The following B3GALT1 variants were observed in gnomAD, a reference collection of about 807,000 sequenced individuals.
The protein encoded by B3GALT1 is beta-1,3-galactosyltransferase 1, also known as UDP-Gal:betaGlcNAc beta 1,3-galactosyltransferase, polypeptide 1.
Under a neutral mutation model 23.2 loss-of-function variants are expected in B3GALT1, and 10 were observed. The observed-to-expected ratio is 0.43, with a 90% CI of 0.27 to 0.73. The LOEUF (loss-of-function observed/expected upper bound fraction) is 0.73. Ranked by LOEUF, B3GALT1 falls within the 30% of genes least tolerant of loss-of-function variation. The pLI is 0.21. For synonymous variants in B3GALT1, 156 were observed against 141.5 expected (o/e 1.10, Z -0.73); for missense variants, 299 against 405.4 (o/e 0.74, Z 2.25).
intron 4 of B3GALT1, among the ~76,000 whole-genome samples, chr2:167,842,745 A>G (rs577172317): frequency 9.9e-5 from 15 of 152,118 alleles, no homozygotes; most frequent in African/African-American, 3.6e-4. Flanking sequence ...GTGGTGGCAC[A>G]CACCTGTAGT....
intron 2 of B3GALT1, among the ~76,000 whole-genome samples, chr2:167,545,872 G>T (rs1683628058): frequency 6.6e-6 from 1 of 152,158 alleles, no homozygotes; most frequent in Admixed American, 6.5e-5. Flanking sequence ...AATTTTTAAG[G>T]TTTGGGAATA....
intron 3 of B3GALT1, among the ~76,000 whole-genome samples, chr2:167,707,973 A>AT (rs1558955305): frequency 1.3e-5 from 2 of 152,178 alleles, no homozygotes; most frequent in East Asian, 3.9e-4. Context: ...GTGGGTTTCA[A>AT]TGTTCTTTCC....
At chr2:167,850,912 C>T (rs2105415864) in intron 4 of B3GALT1, among the ~76,000 whole-genome samples, 1 of 152,068 alleles carries the variant, frequency 6.6e-6, no homozygotes, top group Admixed American at 6.6e-5. Flanking sequence ...CAAATCACCA[C>T]TAAAGAACTT....
At chr2:167,761,646 G>A (rs775142863) in intron 3 of B3GALT1, among the ~76,000 whole-genome samples, 5 of 152,108 alleles carry the variant, frequency 3.3e-5, no homozygotes, top group Non-Finnish European at 5.9e-5. Flanking sequence ...GACTATCCAG[G>A]GCAAGTGAAA....
intron 3 of B3GALT1, among the ~76,000 whole-genome samples, chr2:167,801,197 T>C (rs1158347002): frequency 1.3e-5 from 2 of 152,138 alleles, no homozygotes; most frequent in Non-Finnish European, 2.9e-5. Context: ...TTCAGAGCAA[T>C]AGTGAAAACA....
chr2:167,616,350 A>G (rs1032735579), intron 2 of B3GALT1, among the ~76,000 whole-genome samples: 1 of 152,018 alleles, frequency 6.6e-6, no homozygotes, highest in Non-Finnish European at 1.5e-5. Flanking sequence ...TGGGGAAACT[A>G]TTAAGCAAGG....
Position 167,591,087 on chromosome 2 carries a change from C to A in B3GALT1, c.-409-55822C>A, listed in dbSNP as rs79700955. 1.6e-4 allele frequency among the ~76,000 whole-genome samples: 24 copies of A among 152,000 alleles called. No homozygotes were observed. The East Asian group carries it at 4.4e-3, about 28-fold the overall frequency. On this transcript the variant is annotated intron_variant, in intron 2 of 4. Transcript: ENST00000392690. ...GAGCCTACATTTTTATGGGAAGATA[C>A]AAGCAATAAAAAAGATAAATAAGTG...
intron 4 of B3GALT1, among the ~76,000 whole-genome samples, chr2:167,839,112 T>C (rs1396211029): frequency 6.6e-6 from 1 of 152,162 alleles, no homozygotes; most frequent in Non-Finnish European, 1.5e-5. Flanking sequence ...CTTTGAAAAC[T>C]GGCACAAGAC....
intron 3 of B3GALT1, among the ~76,000 whole-genome samples, chr2:167,783,715 G>A (rs945355308): frequency 6.6e-6 from 1 of 152,142 alleles, no homozygotes; most frequent in African/African-American, 2.4e-5. Context: ...GGGGGCAGGG[G>A]GAAATAGAGG....
chr2:167,592,543 T>C (rs1019555920), intron 2 of B3GALT1, among the ~76,000 whole-genome samples: 1 of 152,264 alleles, frequency 6.6e-6, no homozygotes, highest in Non-Finnish European at 1.5e-5. Context: ...AATTGTTTAA[T>C]GCTCTTTCTA....
At chr2:167,728,946 T>A (rs925794888) in intron 3 of B3GALT1, among the ~76,000 whole-genome samples, 3 of 152,250 alleles carry the variant, frequency 2.0e-5, no homozygotes, top group Non-Finnish European at 4.4e-5. Flanking sequence ...ATGCTTTTTT[T>A]ATCTCAGATT....
intron 2 of B3GALT1, among the ~76,000 whole-genome samples, chr2:167,531,959 G>T (rs1683333603): frequency 6.6e-6 from 1 of 152,140 alleles, no homozygotes; most frequent in Admixed American, 6.5e-5. Flanking sequence ...TTGGGGTCAA[G>T]TGTTCTGAAA....
intron 1 of B3GALT1, among the ~76,000 whole-genome samples, chr2:167,408,137 A>G (rs1046893153): frequency 2.0e-5 from 3 of 151,980 alleles, no homozygotes; most frequent in African/African-American, 7.2e-5. Flanking sequence ...ACAAAATGCT[A>G]GCAAACTAAA....
At chr2:167,700,806 G>A (rs1019564840) in intron 3 of B3GALT1, among the ~76,000 whole-genome samples, 9 of 152,156 alleles carry the variant, frequency 5.9e-5, no homozygotes, top group African/African-American at 2.2e-4. Context: ...TAGCAAGCCT[G>A]GGCCCAGATT....
At chr2:167,396,602 T>C (rs1698102883) in intron 1 of B3GALT1, among the ~76,000 whole-genome samples, 1 of 151,074 alleles carries the variant, frequency 6.6e-6, no homozygotes, top group Admixed American at 6.6e-5. Context: ...GTTTATAATA[T>C]ATAAATTATA....
intron 3 of B3GALT1, among the ~76,000 whole-genome samples, chr2:167,808,019 G>T (rs991388680): frequency 2.3e-4 from 35 of 152,186 alleles, no homozygotes; most frequent in African/African-American, 8.2e-4. Context: ...AGGATAGTTA[G>T]CTCTTCTTGT....
At chr2:167,535,277 T>A (rs1244406361) in intron 2 of B3GALT1, among the ~76,000 whole-genome samples, 1 of 152,066 alleles carries the variant, frequency 6.6e-6, no homozygotes, top group East Asian at 1.9e-4. Flanking sequence ...GCTGAAGAGA[T>A]GGAACTGTGT....
At chr2:167,813,507 C>T (rs1431885436) in intron 3 of B3GALT1, among the ~76,000 whole-genome samples, 1 of 152,180 alleles carries the variant, frequency 6.6e-6, no homozygotes, top group African/African-American at 2.4e-5. Context: ...ACTTCCCCCC[C>T]ATTTTATGCC....
chr2:167,766,809 C>T (rs1687984915), intron 3 of B3GALT1, among the ~76,000 whole-genome samples: 1 of 152,140 alleles, frequency 6.6e-6, no homozygotes, highest in Non-Finnish European at 1.5e-5. Flanking sequence ...TTTCCCAAAA[C>T]ACTCTCATAA....
Sources: gnomAD v4.1 joint callset for allele counts (sites outside exome capture counted in the v4.1 genomes callset) on GRCh38, gnomAD v4.1.1 for gene constraint, MANE v1.5 for transcripts, NCBI Gene and HGNC (gene_info 2026-07-23, HGNC 2026-07-21) for gene names.